CDYL: variants seen among roughly 807,000 people sequenced by gnomAD.
The protein encoded by CDYL is chromodomain Y like, also known as chromodomain Y-like protein.
CDYL carries 8 observed loss-of-function variants against 47.3 expected under a neutral mutation model. That is an observed-to-expected ratio of 0.17 (90% CI 0.10 to 0.31). The LOEUF is 0.31. CDYL is among the 10% of genes least tolerant of loss of function. The pLI, the probability that CDYL is intolerant of heterozygous loss-of-function variation, is 1.00. For synonymous variants in CDYL, 266 were observed against 265.0 expected (o/e 1.00, Z -0.04); for missense variants, 471 against 701.4 (o/e 0.67, Z 3.71).
intron 1 of CDYL, among the ~76,000 whole-genome samples, chr6:4,819,775 C>T (rs1759781949): frequency 6.6e-6 from 1 of 152,086 alleles, no homozygotes; most frequent in Non-Finnish European, 1.5e-5. Flanking sequence ...TGGTCATAGC[C>T]AGGTTGGGGT....
In CDYL at chr6:4,955,190, T is replaced by G. The variant is rs1379848762; in HGVS notation, c.*1134T>G. 3 of 152,594 alleles carry G rather than the reference T, an allele frequency of 2.0e-5. No homozygotes were observed. Among genetic ancestry groups the G allele is most frequent in the Non-Finnish European group, 2.9e-5 (2 of 68,024 alleles). 9.5% of individuals were successfully genotyped at this position (152,594 alleles called of 1,614,324 possible). ...CAAGAGTGCCCTGTGTGGATAGACA[T>G]GTGCACTCCTTCCAGGAGTGGGTAC... On this transcript the variant is annotated 3_prime_UTR_variant, in exon 7 of 7. Coordinates refer to ENST00000397588, the MANE Select transcript of CDYL (RefSeq NM_004824.4).
chr6:4,739,100 G>A (rs890812417), intron 3 of CDYL, among the ~76,000 whole-genome samples: 8 of 151,982 alleles, frequency 5.3e-5, no homozygotes, highest in African/African-American at 1.9e-4. Flanking sequence ...GGCGGAGGTT[G>A]CAGTGAGCCA....
intron 1 of CDYL, among the ~76,000 whole-genome samples, chr6:4,855,248 T>C (rs1233669300): frequency 6.6e-6 from 1 of 152,188 alleles, no homozygotes; most frequent in East Asian, 1.9e-4. Context: ...GACCCTTTTC[T>C]CTATTAATAT....
chr6:4,721,229 A>G (rs1057384628), intron 2 of CDYL, among the ~76,000 whole-genome samples: 45 of 151,968 alleles, frequency 3.0e-4, no homozygotes, highest in African/African-American at 1.1e-3. Flanking sequence ...AAACAACCTT[A>G]TTTTTCACTA....
rs866653426 is a variant in CDYL at position 4,804,874 on chromosome 6, A to G, written c.24+28067A>G. Among the ~76,000 whole-genome samples the G allele has an allele frequency of 9.2e-5, 14 of 152,346 alleles. No homozygotes were observed. The Middle Eastern group carries it at 0.01, about 111-fold the overall frequency. Reference sequence around the variant, plus strand: ...TTAAAACACAAACGTGGAAAATGTCACAGAACTCTTGGCCCATGTAGCGCA... The same window carrying G: ...TTAAAACACAAACGTGGAAAATGTCGCAGAACTCTTGGCCCATGTAGCGCA... On this transcript the variant is annotated intron_variant, in intron 1 of 6. Coordinates refer to ENST00000397588, the MANE Select transcript of CDYL (RefSeq NM_004824.4).
chr6:4,848,607 A>G (rs1760732712), intron 1 of CDYL, among the ~76,000 whole-genome samples: 2 of 152,242 alleles, frequency 1.3e-5, no homozygotes, highest in African/African-American at 4.8e-5. Context: ...GTTAAATTCA[A>G]TGAAAAGGCA....
intron 2 of CDYL, among the ~76,000 whole-genome samples, chr6:4,932,429 C>A (rs1758059216): frequency 6.6e-6 from 1 of 152,250 alleles, no homozygotes; most frequent in South Asian, 2.1e-4. Flanking sequence ...ACCTAATCAC[C>A]CCCCAAAGGC....
chr6:4,835,638 A>G (rs911225727), intron 1 of CDYL, among the ~76,000 whole-genome samples: 10 of 152,202 alleles, frequency 6.6e-5, no homozygotes, highest in Non-Finnish European at 1.3e-4. Flanking sequence ...TGCAGAGCTT[A>G]CTGCTGTCTT....
chr6:4,746,211 A>G (rs964311119), intron 3 of CDYL, among the ~76,000 whole-genome samples: 2 of 151,992 alleles, frequency 1.3e-5, no homozygotes, highest in African/African-American at 4.8e-5. Flanking sequence ...TGAAAGTACA[A>G]AAACGAGCCA....
chr6:4,710,130 G>A (rs1434364090), intron 1 of CDYL, among the ~76,000 whole-genome samples: 5 of 152,116 alleles, frequency 3.3e-5, no homozygotes, highest in African/African-American at 7.2e-5. Flanking sequence ...TCCGAGGCAG[G>A]AGAATCACTT....
At chr6:4,861,461 G>A (rs746121869) in intron 1 of CDYL, among the ~76,000 whole-genome samples, 12 of 152,148 alleles carry the variant, frequency 7.9e-5, no homozygotes, top group East Asian at 1.9e-4. Flanking sequence ...CCACTTCCCC[G>A]CATCAGATGT....
chr6:4,936,359 G>A (rs1470586772), intron 3 of CDYL, among the ~76,000 whole-genome samples: 2 of 152,262 alleles, frequency 1.3e-5, no homozygotes, highest in South Asian at 2.1e-4. Context: ...CATGAATTTT[G>A]TGAAGTTTCT....
intron 1 of CDYL, among the ~76,000 whole-genome samples, chr6:4,799,176 G>A (rs1759155422): frequency 6.6e-6 from 1 of 152,080 alleles, no homozygotes; most frequent in Non-Finnish European, 1.5e-5. Flanking sequence ...TTTGACCCCT[G>A]GGTTTAGAAT....
At chr6:4,924,786 C>G (rs753228552) in intron 2 of CDYL, among the ~76,000 whole-genome samples, 1 of 152,082 alleles carries the variant, frequency 6.6e-6, no homozygotes, top group African/African-American at 2.4e-5. Flanking sequence ...TCCTAAAAAT[C>G]GCCACACTGC....
At chr6:4,779,401 C>A (rs1758551905) in intron 1 of CDYL, among the ~76,000 whole-genome samples, 2 of 152,134 alleles carry the variant, frequency 1.3e-5, no homozygotes, top group Non-Finnish European at 2.9e-5. Context: ...TCTGCAGTAA[C>A]TGGGAACTTG....
At chr6:4,723,691 C>G (rs1380309525) in intron 2 of CDYL, among the ~76,000 whole-genome samples, 1 of 152,142 alleles carries the variant, frequency 6.6e-6, no homozygotes, top group Non-Finnish European at 1.5e-5. Context: ...ATGGAGTCCT[C>G]GCCTGTCAGC....
chr6:4,924,343 C>T (rs1187824832), intron 2 of CDYL, among the ~76,000 whole-genome samples: 3 of 152,152 alleles, frequency 2.0e-5, no homozygotes, highest in Non-Finnish European at 4.4e-5. Flanking sequence ...CTCCCTAAGC[C>T]TGTGGAGTCT....
At chr6:4,831,545 A>T (rs140670048) in intron 1 of CDYL, among the ~76,000 whole-genome samples, 3,900 of 151,938 alleles carry the variant, frequency 0.026, 174 homozygotes, top group African/African-American at 0.089. Context: ...TGGCTTAGGA[A>T]TGACTTGGCG....
At chr6:4,906,127 G>GA (rs1345917663) in intron 2 of CDYL, among the ~76,000 whole-genome samples, 1 of 152,226 alleles carries the variant, frequency 6.6e-6, no homozygotes, top group East Asian at 1.9e-4. Flanking sequence ...TCTGGTAAGA[G>GA]AAAGTCTGCC....
Sources: gnomAD v4.1 joint callset for allele counts (sites outside exome capture counted in the v4.1 genomes callset) on GRCh38, gnomAD v4.1.1 for gene constraint, MANE v1.5 for transcripts, NCBI Gene and HGNC (gene_info 2026-07-23, HGNC 2026-07-21) for gene names.